The following COL25A1 variants were observed in gnomAD, a reference collection of about 807,000 sequenced individuals.
COL25A1 encodes the protein collagen type XXV alpha 1 chain.
Under a neutral mutation model 128.4 loss-of-function variants are expected in COL25A1, and 103 were observed. The observed-to-expected ratio is 0.80, with a 90% CI of 0.68 to 0.94. COL25A1 has a LOEUF of 0.94. COL25A1 is among the 40% of genes least tolerant of loss of function. The probability of loss-of-function intolerance (pLI) is 0.00; values close to 1 mark genes in which losing one functional copy is unlikely to be tolerated. For missense variants in COL25A1, 745 were observed against 840.0 expected (o/e 0.89, Z 1.40); for synonymous variants, 279 against 277.2 (o/e 1.01, Z -0.06).
intron 3 of COL25A1, among the ~76,000 whole-genome samples, chr4:109,115,470 C>A (rs558269795): frequency 1.3e-5 from 2 of 152,188 alleles, no homozygotes; most frequent in South Asian, 4.1e-4. Flanking sequence ...CAAAGCTACA[C>A]AAAGAAAGGG....
intron 3 of COL25A1, among the ~76,000 whole-genome samples, chr4:109,253,966 A>G (rs1026341249): frequency 5.3e-5 from 8 of 151,980 alleles, no homozygotes; most frequent in African/African-American, 1.9e-4. Flanking sequence ...GGGTGCCTGT[A>G]GTCCCAGCTA....
intron 3 of COL25A1, among the ~76,000 whole-genome samples, chr4:109,198,294 T>TCACA (rs112993547): frequency 0.099 from 14,186 of 143,900 alleles, 834 homozygotes; most frequent in East Asian, 0.21. Flanking sequence ...GCATATTCAT[T>TCACA]CACACACACA....
chr4:108,882,198 A>T (rs985356808), intron 19 of COL25A1, among the ~76,000 whole-genome samples: 4 of 151,952 alleles, frequency 2.6e-5, no homozygotes, highest in African/African-American at 9.7e-5. Flanking sequence ...GTCCAGTGGG[A>T]TATTTTTGTG....
At chr4:109,244,810 C>A (rs1216366462) in intron 3 of COL25A1, among the ~76,000 whole-genome samples, 4 of 152,118 alleles carry the variant, frequency 2.6e-5, no homozygotes, top group African/African-American at 9.7e-5. Flanking sequence ...TGAAGCAAAT[C>A]TTTTAAAATT....
At chr4:108,848,827 T>G (rs369591275) in intron 26 of COL25A1, 24 bp from the exon 27 acceptor site, 119 of 1,591,648 alleles carry the variant, frequency 7.5e-5, no homozygotes, top group Non-Finnish European at 1.0e-4. Flanking sequence ...AATAGATGAC[T>G]TGCCTCCATT....
At chr4:108,889,585 G>T (rs537433989) in intron 17 of COL25A1, 116 bp downstream of exon 17, 130 of 865,214 alleles carry the variant, frequency 1.5e-4, no homozygotes, top group Non-Finnish European at 2.0e-4. Context: ...GTTATTGTAG[G>T]AGAATAAGAA....
At chr4:109,297,653 A>C (rs1725101943) in intron 3 of COL25A1, among the ~76,000 whole-genome samples, 1 of 152,044 alleles carries the variant, frequency 6.6e-6, no homozygotes, top group African/African-American at 2.4e-5. Context: ...TTAATTAGCC[A>C]CTGGGTTTTT....
At position 108,810,881 on chromosome 4, in the gene COL25A1, G is replaced by A. The variant is rs1459079143; in HGVS notation, c.*3046C>T. ...AAACAGGGAAATAAAATTATCCATA[G>A]TAGTTGTATTGTCCATAGAGAAAAA... On this transcript the variant is annotated 3_prime_UTR_variant, in exon 38 of 38. Coordinates refer to ENST00000399132, the MANE Select transcript of COL25A1 (RefSeq NM_198721.4). The A allele has an allele frequency of 6.6e-6, 1 of 151,990 alleles. No individual in the cohort carries two copies. The highest frequency in any genetic ancestry group is 1.9e-4 in the East Asian group (1 of 5,190). 9.4% of individuals were successfully genotyped at this position (151,990 alleles called of 1,614,324 possible).
chr4:109,192,574 G>T (rs566432553), intron 3 of COL25A1, among the ~76,000 whole-genome samples: 1 of 152,338 alleles, frequency 6.6e-6, no homozygotes, highest in South Asian at 2.1e-4. Flanking sequence ...GAGAAGGTGG[G>T]CCTGGCGCAG....
intron 3 of COL25A1, among the ~76,000 whole-genome samples, chr4:109,206,378 G>A (rs950810913): frequency 1.3e-5 from 2 of 152,142 alleles, no homozygotes; most frequent in African/African-American, 2.4e-5. Context: ...ATTGCGTGCT[G>A]ATGTTATGAA....
chr4:109,135,876 G>A (rs1769691975), intron 3 of COL25A1, among the ~76,000 whole-genome samples: 1 of 152,132 alleles, frequency 6.6e-6, no homozygotes, highest in Non-Finnish European at 1.5e-5. Context: ...CATATATAGA[G>A]AACATAAGCT....
At chr4:109,122,830 A>C (rs984168961) in intron 3 of COL25A1, among the ~76,000 whole-genome samples, 1 of 152,114 alleles carries the variant, frequency 6.6e-6, no homozygotes, top group Non-Finnish European at 1.5e-5. Context: ...AACCATGAAC[A>C]TAGAGAAATA....
At chr4:109,139,670 G>GT (rs1353364071) in intron 3 of COL25A1, among the ~76,000 whole-genome samples, 1 of 151,476 alleles carries the variant, frequency 6.6e-6, no homozygotes, top group Admixed American at 6.6e-5. Flanking sequence ...CCTTTTATTA[G>GT]TTTTTTTTAA....
At chr4:109,067,450 T>A (rs1579261040) in intron 3 of COL25A1, among the ~76,000 whole-genome samples, 1 of 152,312 alleles carries the variant, frequency 6.6e-6, no homozygotes, top group East Asian at 1.9e-4. Flanking sequence ...TTGAAAATAT[T>A]TTTGTCTTCA....
chr4:109,263,660 T>C (rs1316787282), intron 3 of COL25A1, among the ~76,000 whole-genome samples: 1 of 152,216 alleles, frequency 6.6e-6, no homozygotes, highest in Non-Finnish European at 1.5e-5. Flanking sequence ...AACTGAACGT[T>C]GTTTAAAACA....
chr4:108,942,016 T>A (rs2125929823), intron 8 of COL25A1, among the ~76,000 whole-genome samples: 1 of 152,320 alleles, frequency 6.6e-6, no homozygotes, highest in South Asian at 2.1e-4. Flanking sequence ...CAATATCCTC[T>A]CAAGTATGCT....
Position 108,834,210 on chromosome 4 carries a change from C to T in COL25A1, c.1657-1777G>A, listed in dbSNP as rs528169985. The T allele has an allele frequency of 3.2e-5, 26 of 800,488 alleles. No individual in the cohort carries two copies. The East Asian group carries it at 7.0e-4, about 22-fold the overall frequency. 49.6% of individuals were successfully genotyped at this position (800,488 alleles called of 1,614,324 possible). ...CTGTCCACCTTTCCCCCTTTTGCCG[C>T]CATCTTTGTCCACCTTCCCCTTTTA... On this transcript the variant is annotated intron_variant, in intron 31 of 37. Transcript: ENST00000399132.
intron 3 of COL25A1, among the ~76,000 whole-genome samples, chr4:109,208,494 A>C (rs919022467): frequency 3.3e-5 from 5 of 151,824 alleles, no homozygotes; most frequent in African/African-American, 1.2e-4. Flanking sequence ...AAAAAAAAAA[A>C]AAACAAATTA....
intron 6 of COL25A1, among the ~76,000 whole-genome samples, chr4:109,004,799 C>G (rs1579053581): frequency 6.6e-6 from 1 of 152,264 alleles, no homozygotes; most frequent in East Asian, 1.9e-4. Context: ...CCTGTAAAGC[C>G]TGCAGTACCG....
Sources: allele counts gnomAD v4.1 joint callset (sites outside exome capture counted in the v4.1 genomes callset), GRCh38; gene constraint gnomAD v4.1.1; transcripts MANE v1.5; gene names NCBI Gene and HGNC (gene_info 2026-07-23, HGNC 2026-07-21).